ARHGAP22: variants seen among roughly 807,000 people sequenced by gnomAD.
ARHGAP22 encodes Rho GTPase activating protein 22.
Under a neutral mutation model 59.1 loss-of-function variants are expected in ARHGAP22, and 48 were observed. That is an observed-to-expected ratio of 0.81 (90% CI 0.64 to 1.03). The LOEUF is 1.03. Ranked by LOEUF, ARHGAP22 falls within the 50% of genes least tolerant of loss-of-function variation. The pLI, the probability that ARHGAP22 is intolerant of heterozygous loss-of-function variation, is 0.00. For synonymous variants in ARHGAP22, 445 were observed against 416.4 expected (o/e 1.07, Z -0.84); for missense variants, 1,015 against 958.7 (o/e 1.06, Z -0.78).
At chr10:48,574,410 A>G (rs548584638) in intron 2 of ARHGAP22, among the ~76,000 whole-genome samples, 1 of 152,366 alleles carries the variant, frequency 6.6e-6, no homozygotes, top group Non-Finnish European at 1.5e-5. Context: ...AGGAAGTGTT[A>G]TAAATAACAA....
rs79722511 is a variant in ARHGAP22, at chr10:48,453,284, C to T, written c.988+20G>A. ...AGACCCCGGCAGCACCCAGGGCCAC[C>T]AGGTACACCTCCCACTTACCTTCCA... On this transcript the variant is annotated intron_variant, in intron 8 of 9. Transcript: ENST00000249601. 6,929 of 1,612,766 alleles carry T rather than the reference C, an allele frequency of 4.3e-3. 282 individuals are homozygous for T. The African/African-American group carries it at 0.081, about 19-fold the overall frequency.
In ARHGAP22 at chr10:48,570,088, TG is replaced by T. The variant is rs2058302678; in HGVS notation, c.234+12864del. On this transcript the variant is annotated intron_variant, in intron 2 of 9. Transcript: ENST00000249601. The stretch of plus-strand genomic sequence containing the variant: ...TTTTAACTAAATATTGTTTGAAATT[TG>T]TTTAAAAACACAGCTGCTACTGCCA... Among the ~76,000 whole-genome samples, 18 of 152,378 alleles carry T rather than the reference TG, an allele frequency of 1.2e-4. No individual in the cohort carries two copies. In the South Asian group the frequency reaches 3.7e-3, roughly 32 times the overall value.
rs750958378 is a variant in ARHGAP22 at position 48,583,109 on chromosome 10, A to G, written c.78T>C (p.Pro26=). Residue 26 remains proline, a synonymous_variant, in exon 2 of 10, where the codon CCT becomes CCC. Transcript: ENST00000249601. ...GCCTGTGAGGGCACGGCATCCGCCC[A>G]GGGCTCCGGCTCTGCTCCCCCATCA... ...SLVMGEQSRS[P]GRMPCPHRLG... The G allele has an allele frequency of 6.2e-6, 10 of 1,614,246 alleles. 1 individual carries two copies. In the South Asian group the frequency reaches 1.1e-4, roughly 18 times the overall value.
chr10:48,546,905 C>G (rs764144083), intron 3 of ARHGAP22, among the ~76,000 whole-genome samples: 1 of 152,158 alleles, frequency 6.6e-6, no homozygotes, highest in Non-Finnish European at 1.5e-5. Context: ...TCAGTGAATC[C>G]TCACCACAAC....
At chr10:48,561,946 G>T (rs903137791) in intron 2 of ARHGAP22, among the ~76,000 whole-genome samples, 6 of 152,216 alleles carry the variant, frequency 3.9e-5, no homozygotes, top group Non-Finnish European at 8.8e-5. Flanking sequence ...TAAACATACT[G>T]CCCGGAGCAG....
At chr10:48,630,482 A>G (rs2061594353) in intron 1 of ARHGAP22, among the ~76,000 whole-genome samples, 1 of 152,218 alleles carries the variant, frequency 6.6e-6, no homozygotes, top group Non-Finnish European at 1.5e-5. Flanking sequence ...TCATTAATCA[A>G]GAGTTTTATA....
intron 2 of ARHGAP22, among the ~76,000 whole-genome samples, chr10:48,563,087 C>T (rs2057793882): frequency 6.6e-6 from 1 of 151,934 alleles, no homozygotes; most frequent in African/African-American, 2.4e-5. Flanking sequence ...AGCAGCCTCA[C>T]ATCTTCAAAT....
chr10:48,587,468 A>C (rs1162719512), intron 1 of ARHGAP22, among the ~76,000 whole-genome samples: 1 of 152,234 alleles, frequency 6.6e-6, no homozygotes, highest in African/African-American at 2.4e-5. Flanking sequence ...TTAGGTCACC[A>C]GTGCCTGGGC....
intron 3 of ARHGAP22, among the ~76,000 whole-genome samples, chr10:48,554,612 G>T (rs1214250744): frequency 6.6e-6 from 1 of 152,164 alleles, no homozygotes; most frequent in Non-Finnish European, 1.5e-5. Context: ...GTCCATGTGA[G>T]GGTAGGCTAG....
chr10:48,454,679 C>T (rs749653680), intron 6 of ARHGAP22, among the ~76,000 whole-genome samples: 8 of 152,200 alleles, frequency 5.3e-5, no homozygotes, highest in Non-Finnish European at 7.4e-5. Context: ...TGGCCTGAGT[C>T]GGGTGTGGGG....
At chr10:48,541,204 C>A (rs1452358095) in intron 3 of ARHGAP22, among the ~76,000 whole-genome samples, 9 of 152,092 alleles carry the variant, frequency 5.9e-5, no homozygotes, top group Admixed American at 5.9e-4. Context: ...AGGCTCTGTA[C>A]TTGGGTTTGG....
chr10:48,463,131 G>A (rs1482476643), intron 4 of ARHGAP22, among the ~76,000 whole-genome samples: 2 of 152,226 alleles, frequency 1.3e-5, no homozygotes, highest in Non-Finnish European at 2.9e-5. Context: ...CCAGGCCTGA[G>A]TTCCAAAAAA....
chr10:48,483,267 T>C (rs908605649), intron 3 of ARHGAP22, among the ~76,000 whole-genome samples: 11 of 152,208 alleles, frequency 7.2e-5, no homozygotes, highest in Admixed American at 2.0e-4. Context: ...ATGCCAAGTG[T>C]TCCATTATTG....
chr10:48,571,006 A>G (rs766674860), intron 2 of ARHGAP22, among the ~76,000 whole-genome samples: 13 of 152,182 alleles, frequency 8.5e-5, no homozygotes, highest in Non-Finnish European at 1.6e-4. Context: ...GGAACTTCTG[A>G]AAACTGCTAG....
At chr10:48,553,079 C>T (rs1447178929) in intron 3 of ARHGAP22, among the ~76,000 whole-genome samples, 1 of 152,226 alleles carries the variant, frequency 6.6e-6, no homozygotes, top group Non-Finnish European at 1.5e-5. Flanking sequence ...TCTGAGCAGG[C>T]TGATAGGAAG....
At chr10:48,545,281 C>T (rs528715147) in intron 3 of ARHGAP22, among the ~76,000 whole-genome samples, 1 of 152,320 alleles carries the variant, frequency 6.6e-6, no homozygotes, top group Admixed American at 6.5e-5. Context: ...CTCTAGGACA[C>T]GATTTTGGCC....
chr10:48,546,054 T>A (rs925529765), intron 3 of ARHGAP22, among the ~76,000 whole-genome samples: 3 of 152,336 alleles, frequency 2.0e-5, no homozygotes, highest in African/African-American at 7.2e-5. Context: ...AAGGCAGAGA[T>A]GTTGTTAGTG....
At chr10:48,587,511 A>G (rs1693806390) in intron 1 of ARHGAP22, among the ~76,000 whole-genome samples, 1 of 151,472 alleles carries the variant, frequency 6.6e-6, no homozygotes, top group African/African-American at 2.4e-5. Flanking sequence ...GATTCCTACC[A>G]TGAGACTTGG....
chr10:48,524,841 G>A (rs1048193320), intron 3 of ARHGAP22, among the ~76,000 whole-genome samples: 1 of 152,180 alleles, frequency 6.6e-6, no homozygotes, highest in Admixed American at 6.5e-5. Flanking sequence ...CGGTTCAGAT[G>A]CTACTTAGCA....
Sources: allele counts gnomAD v4.1 joint callset (sites outside exome capture counted in the v4.1 genomes callset), GRCh38; gene constraint gnomAD v4.1.1; transcripts MANE v1.5; gene names NCBI Gene and HGNC (gene_info 2026-07-23, HGNC 2026-07-21).